CNTNAP2: variants seen among roughly 807,000 people sequenced by gnomAD.
CNTNAP2 encodes contactin associated protein 2, also known as contactin-associated protein-like 2.
A neutral mutation model predicts 155.2 loss-of-function variants in CNTNAP2; 98 were observed. That is an observed-to-expected ratio of 0.63 (90% confidence interval 0.54 to 0.75). The LOEUF is 0.75. Ranked by LOEUF, CNTNAP2 falls within the 30% of genes least tolerant of loss-of-function variation. CNTNAP2 has a pLI of 0.00. For missense variants in CNTNAP2, 1,727 were observed against 1,688.1 expected (o/e 1.02, Z -0.40); for synonymous variants, 651 against 631.2 (o/e 1.03, Z -0.47).
At chr7:146,876,206 T>C (rs975023776) in intron 3 of CNTNAP2, among the ~76,000 whole-genome samples, 14 of 151,996 alleles carry the variant, frequency 9.2e-5, no homozygotes, top group African/African-American at 3.1e-4. Flanking sequence ...CGTCACCAAA[T>C]CTATTCTTGC....
chr7:148,402,464 G>GA (rs1799608909), intron 22 of CNTNAP2, among the ~76,000 whole-genome samples: 1 of 152,170 alleles, frequency 6.6e-6, no homozygotes. Flanking sequence ...GTGATTAGCA[G>GA]GGATCCTCTC....
chr7:146,205,711 G>A (rs577321891), intron 1 of CNTNAP2, among the ~76,000 whole-genome samples: 33 of 151,890 alleles, frequency 2.2e-4, no homozygotes, highest in Non-Finnish European at 1.5e-4. Flanking sequence ...GAATGAATCC[G>A]GCCATAGGAT....
chr7:146,835,165 T>G (rs776444062), intron 2 of CNTNAP2, among the ~76,000 whole-genome samples: 1 of 152,232 alleles, frequency 6.6e-6, no homozygotes, highest in African/African-American at 2.4e-5. Context: ...TAAATGGGAT[T>G]AAGCAGCTGT....
intron 10 of CNTNAP2, among the ~76,000 whole-genome samples, chr7:147,420,749 C>T (rs1446645395): frequency 6.6e-6 from 1 of 152,066 alleles, no homozygotes; most frequent in African/African-American, 2.4e-5. Flanking sequence ...TTAAAAAATA[C>T]TTGTCATTAA....
intron 17 of CNTNAP2, among the ~76,000 whole-genome samples, chr7:148,163,645 G>A (rs1052941723): frequency 2.6e-5 from 4 of 152,176 alleles, no homozygotes. Context: ...TCCTATTGAT[G>A]GAGTTATGAA....
At chr7:148,389,967 T>G (rs1429811990) in intron 22 of CNTNAP2, 1 of 152,196 alleles carries the variant, frequency 6.6e-6, no homozygotes, top group Non-Finnish European at 1.5e-5. Flanking sequence ...GTGTGTGATG[T>G]AAACCCCCCT....
intron 21 of CNTNAP2, among the ~76,000 whole-genome samples, chr7:148,334,453 G>T (rs912013510): frequency 6.6e-6 from 1 of 152,192 alleles, no homozygotes; most frequent in Non-Finnish European, 1.5e-5. Context: ...CAATAACTTG[G>T]CAAGACAATG....
In CNTNAP2 at chr7:147,017,385, G is replaced by T. The variant is rs1294183211; in HGVS notation, c.403-26522G>T. ...ATACTGCATTTTTTTACTTTAGTAG[G>T]ATTTCTCTACTAGCAATTGTAATTA... On this transcript the variant is annotated intron_variant, in intron 3 of 23. Transcript: ENST00000361727. Among the ~76,000 whole-genome samples the T allele has an allele frequency of 2.0e-5, 3 of 151,884 alleles. No homozygotes were observed. The East Asian group carries it at 5.8e-4, about 29-fold the overall frequency.
At chr7:146,289,730 A>G (rs1283450402) in intron 1 of CNTNAP2, among the ~76,000 whole-genome samples, 2 of 152,192 alleles carry the variant, frequency 1.3e-5, no homozygotes, top group Admixed American at 6.5e-5. Context: ...CACACACACA[A>G]TCTCTTTTAC....
chr7:146,635,456 T>C (rs898105103), intron 1 of CNTNAP2, among the ~76,000 whole-genome samples: 11 of 152,090 alleles, frequency 7.2e-5, no homozygotes, highest in Admixed American at 2.6e-4. Context: ...TTAGGTGAGG[T>C]ACAGCGATGA....
intron 3 of CNTNAP2, among the ~76,000 whole-genome samples, chr7:147,012,002 C>A (rs973757701): frequency 1.3e-5 from 2 of 152,200 alleles, no homozygotes; most frequent in African/African-American, 4.8e-5. Flanking sequence ...TGAACCTAAG[C>A]ATAAAAATGG....
intron 1 of CNTNAP2, among the ~76,000 whole-genome samples, chr7:146,765,284 G>A (rs761704274): frequency 1.3e-5 from 2 of 152,168 alleles, no homozygotes; most frequent in Non-Finnish European, 2.9e-5. Flanking sequence ...ATTTTAAGTT[G>A]TTGAAGATCA....
At chr7:146,779,558 C>T (rs1802446123) in intron 2 of CNTNAP2, among the ~76,000 whole-genome samples, 2 of 152,166 alleles carry the variant, frequency 1.3e-5, no homozygotes, top group Non-Finnish European at 2.9e-5. Context: ...GCTGTTATAG[C>T]CAGAGAAACC....
At position 147,159,966 on chromosome 7, in the gene CNTNAP2, A is replaced by C. The variant is rs549991207; in HGVS notation, c.1348+27457A>C. 2.7e-5 allele frequency among the ~76,000 whole-genome samples: 4 copies of C among 146,980 alleles called. No individual in the cohort carries two copies. In the South Asian group the frequency reaches 8.3e-4, roughly 30 times the overall value. On this transcript the variant is annotated intron_variant, in intron 8 of 23. Coordinates refer to ENST00000361727, the MANE Select transcript of CNTNAP2 (RefSeq NM_014141.6). Reference sequence around the variant, plus strand: ...TTTTTTGGTACAAAAGTTGCAAAACAGAAGTGACATAAATTATCCAATGGT... The same window carrying C: ...TTTTTTGGTACAAAAGTTGCAAAACCGAAGTGACATAAATTATCCAATGGT...
intron 18 of CNTNAP2, among the ~76,000 whole-genome samples, chr7:148,211,336 G>A (rs1422713133): frequency 6.6e-6 from 1 of 152,222 alleles, no homozygotes; most frequent in Non-Finnish European, 1.5e-5. Flanking sequence ...AAAGGAGTAA[G>A]CAAATATTAA....
intron 17 of CNTNAP2, among the ~76,000 whole-genome samples, chr7:148,169,725 G>T (rs1303131898): frequency 6.6e-6 from 1 of 152,182 alleles, no homozygotes; most frequent in East Asian, 1.9e-4. Flanking sequence ...ACTTTGGGAG[G>T]CCAAGGCAGG....
intron 13 of CNTNAP2, among the ~76,000 whole-genome samples, chr7:147,762,817 A>AAGT (rs61621275): frequency 6.6e-6 from 1 of 151,456 alleles, no homozygotes; most frequent in Admixed American, 6.6e-5. Flanking sequence ...AAGGGAAGGA[A>AAGT]AGGAAGAAGG....
intron 11 of CNTNAP2, among the ~76,000 whole-genome samples, chr7:147,523,340 A>G (rs1337515984): frequency 1.3e-5 from 2 of 152,170 alleles, no homozygotes; most frequent in Non-Finnish European, 2.9e-5. Context: ...TGAATGCACA[A>G]AACAGAAGCC....
At chr7:147,812,411 A>C (rs1340509406) in intron 13 of CNTNAP2, among the ~76,000 whole-genome samples, 1 of 152,020 alleles carries the variant, frequency 6.6e-6, no homozygotes, top group Non-Finnish European at 1.5e-5. Flanking sequence ...GCATTCATCT[A>C]TTCTGTTAGG....
Sources: allele counts gnomAD v4.1 joint callset (sites outside exome capture counted in the v4.1 genomes callset), GRCh38; gene constraint gnomAD v4.1.1; transcripts MANE v1.5; gene names NCBI Gene and HGNC (gene_info 2026-07-23, HGNC 2026-07-21).